SLC44A5: variants seen among roughly 807,000 people sequenced by gnomAD.
The protein encoded by SLC44A5 is solute carrier family 44 member 5, also known as choline transporter-like protein 5.
Under a neutral mutation model 101.8 loss-of-function variants are expected in SLC44A5, and 57 were observed. The ratio of observed to expected loss-of-function variants is 0.56; its 90% confidence interval spans 0.45 to 0.70. SLC44A5 has a LOEUF of 0.70. Among genes scored for constraint, SLC44A5 ranks in the 30% least tolerant of loss-of-function variants. SLC44A5 has a pLI of 0.00. For missense variants in SLC44A5, 737 were observed against 853.1 expected (o/e 0.86, Z 1.70); for synonymous variants, 281 against 290.9 (o/e 0.97, Z 0.35).
At chr1:75,455,024 T>C (rs977487285) in intron 2 of SLC44A5, among the ~76,000 whole-genome samples, 3 of 152,102 alleles carry the variant, frequency 2.0e-5, no homozygotes, top group Non-Finnish European at 4.4e-5. Context: ...AAAACTATTC[T>C]AAAATTCATA....
the SLC44A5 span, among the ~76,000 whole-genome samples, chr1:75,709,245 T>C: frequency 1.3e-5 from 2 of 152,178 alleles, no homozygotes; most frequent in Admixed American, 6.6e-5. Context: ...AACTGATACT[T>C]CCAGTTCAAC....
At chr1:75,296,856 T>A (rs1303722237) in intron 5 of SLC44A5, among the ~76,000 whole-genome samples, 1 of 152,164 alleles carries the variant, frequency 6.6e-6, no homozygotes, top group East Asian at 1.9e-4. Context: ...CTTAATATAA[T>A]AAATTTTTAT....
At chr1:75,256,947 T>C (rs1406182422) in intron 6 of SLC44A5, among the ~76,000 whole-genome samples, 1 of 152,160 alleles carries the variant, frequency 6.6e-6, no homozygotes, top group Non-Finnish European at 1.5e-5. Context: ...TGTCAGTGGA[T>C]ATTATCTAAA....
the SLC44A5 span, among the ~76,000 whole-genome samples, chr1:75,652,639 TAC>T: frequency 6.6e-6 from 1 of 152,052 alleles, no homozygotes; most frequent in Non-Finnish European, 1.5e-5. Flanking sequence ...TACAAGATTT[TAC>T]AAATTAGCTA....
At chr1:75,327,030 TA>T (rs1337975336) in intron 4 of SLC44A5, among the ~76,000 whole-genome samples, 1 of 152,114 alleles carries the variant, frequency 6.6e-6, no homozygotes, top group Non-Finnish European at 1.5e-5. Context: ...TTTTTTACTT[TA>T]AACTTTGAGT....
intron 2 of SLC44A5, among the ~76,000 whole-genome samples, chr1:75,501,368 C>T (rs1387127280): frequency 6.6e-6 from 1 of 152,128 alleles, no homozygotes; most frequent in African/African-American, 2.4e-5. Context: ...GCCTAAAAGA[C>T]AGTGACAAAA....
intron 3 of SLC44A5, among the ~76,000 whole-genome samples, chr1:75,352,288 C>T (rs1445377811): frequency 6.6e-6 from 1 of 151,936 alleles, no homozygotes; most frequent in African/African-American, 2.4e-5. Context: ...GTTTGCTGCA[C>T]AGATCAACCC....
At chr1:75,436,250 T>C (rs186708241) in intron 2 of SLC44A5, among the ~76,000 whole-genome samples, 1 of 152,278 alleles carries the variant, frequency 6.6e-6, no homozygotes, top group Admixed American at 6.5e-5. Flanking sequence ...TTCATAATTA[T>C]CACGATGAAT....
chr1:75,466,242 G>A (rs1304027170), intron 2 of SLC44A5, among the ~76,000 whole-genome samples: 1 of 152,066 alleles, frequency 6.6e-6, no homozygotes, highest in Non-Finnish European at 1.5e-5. Context: ...CAATCCATGT[G>A]ATATATCATA....
the SLC44A5 span, among the ~76,000 whole-genome samples, chr1:75,705,931 G>C: frequency 1.3e-5 from 2 of 152,186 alleles, no homozygotes; most frequent in Non-Finnish European, 2.9e-5. Context: ...TCCTGCCTTG[G>C]CCTCCCAAAT....
the SLC44A5 span, among the ~76,000 whole-genome samples, chr1:75,671,138 T>A: frequency 6.6e-6 from 1 of 152,156 alleles, no homozygotes; most frequent in African/African-American, 2.4e-5. Context: ...TTTGAATAAC[T>A]TAGTGGGCTC....
chr1:75,713,858 G>C, the SLC44A5 span, among the ~76,000 whole-genome samples: 212 of 152,260 alleles, frequency 1.4e-3, no homozygotes, highest in African/African-American at 4.7e-3. Flanking sequence ...GCTGAAGTGT[G>C]GTGGCACAAA....
intron 6 of SLC44A5, among the ~76,000 whole-genome samples, chr1:75,265,100 G>T (rs1249213620): frequency 6.6e-6 from 1 of 152,072 alleles, no homozygotes; most frequent in Non-Finnish European, 1.5e-5. Flanking sequence ...TAATGAGATT[G>T]GATCAGTGAT....
At chr1:75,482,575 T>C (rs1456420588) in intron 2 of SLC44A5, among the ~76,000 whole-genome samples, 1 of 152,170 alleles carries the variant, frequency 6.6e-6, no homozygotes, top group Non-Finnish European at 1.5e-5. Flanking sequence ...TTCAGTTTCC[T>C]TGTCTGAAAA....
rs948998514 is a variant in SLC44A5, at chr1:75,509,430, C to T, written c.13+32005G>A. ...TTGCCCACAAATTCACAACTTTGAT[C>T]GGAAAGGCTTTAAATAGGAAATGAA... On this transcript the variant is annotated intron_variant, in intron 2 of 23. Coordinates refer to ENST00000370859, the MANE Select transcript of SLC44A5 (RefSeq NM_001130058.2). 1.4e-4 allele frequency among the ~76,000 whole-genome samples: 22 copies of T among 152,092 alleles called. No homozygotes were observed. The South Asian group carries it at 1.7e-3, about 11-fold the overall frequency.
chr1:75,270,485 T>C (rs1040556341), intron 6 of SLC44A5, among the ~76,000 whole-genome samples: 5 of 152,008 alleles, frequency 3.3e-5, no homozygotes, highest in Admixed American at 1.3e-4. Flanking sequence ...TTTGGGAAAA[T>C]AGTTTGATTT....
At chr1:75,616,964 T>C in the SLC44A5 span, among the ~76,000 whole-genome samples, 1 of 152,150 alleles carries the variant, frequency 6.6e-6, no homozygotes, top group African/African-American at 2.4e-5. Flanking sequence ...GGGTTTGCTT[T>C]GGAAAGTTCT....
chr1:75,335,444 A>G (rs1234848278), intron 4 of SLC44A5, among the ~76,000 whole-genome samples: 1 of 152,134 alleles, frequency 6.6e-6, no homozygotes. Flanking sequence ...TAATTATCAA[A>G]AGGTTGCTTG....
At chr1:75,580,123 A>C (rs1167078650) in intron 1 of SLC44A5, among the ~76,000 whole-genome samples, 1 of 151,844 alleles carries the variant, frequency 6.6e-6, no homozygotes, top group African/African-American at 2.4e-5. Context: ...AGCACTTCTC[A>C]AAATAAAAAA....
Sources: allele counts gnomAD v4.1 joint callset (sites outside exome capture counted in the v4.1 genomes callset), GRCh38; gene constraint gnomAD v4.1.1; transcripts MANE v1.5; gene names NCBI Gene and HGNC (gene_info 2026-07-23, HGNC 2026-07-21).